The following SYBU variants were observed in gnomAD, a reference collection of about 807,000 sequenced individuals.
The protein encoded by SYBU is GOLSYN A protein.
Under a neutral mutation model 35.9 loss-of-function variants are expected in SYBU, and 21 were observed. The observed-to-expected ratio is 0.58, with a 90% CI of 0.41 to 0.84. The LOEUF is 0.84. Ranked by LOEUF, SYBU falls within the 40% of genes least tolerant of loss-of-function variation. SYBU has a pLI of 0.00. For synonymous variants in SYBU, 319 were observed against 324.3 expected, an observed-to-expected ratio of 0.98 and a Z score of 0.18; for missense variants, 768 against 848.2, an observed-to-expected ratio of 0.91 and a Z score of 1.17.
intron 1 of SYBU, chr8:109,680,702 C>G (rs1346893143): frequency 2.0e-5 from 3 of 152,140 alleles, no homozygotes. Flanking sequence ...CCACAGCAAG[C>G]AAACTTACCT....
Position 109,655,215 on chromosome 8 carries a change from G to A in SYBU, c.-129+25496C>T, listed in dbSNP as rs139658641. On this transcript the variant is annotated intron_variant, in intron 1 of 5. Coordinates refer to the SYBU transcript ENST00000408889. ...TCTTCAACCTCCATCTCCCAGCACC[G>A]TCCAGTTCCTTTTGCCTTTCGGGTA... Among the ~76,000 whole-genome samples the A allele has an allele frequency of 5.2e-4, 79 of 152,274 alleles. No individual in the cohort carries two copies. The East Asian group carries it at 0.014, about 26-fold the overall frequency.
At chr8:109,627,446 A>T (rs541235412) in intron 2 of SYBU, among the ~76,000 whole-genome samples, 1 of 152,310 alleles carries the variant, frequency 6.6e-6, no homozygotes, top group East Asian at 1.9e-4. Context: ...TGCATTTATA[A>T]GGCAAGAAAA....
intron 2 of SYBU, among the ~76,000 whole-genome samples, chr8:109,626,662 A>T (rs1813012878): frequency 6.6e-6 from 1 of 152,186 alleles, no homozygotes; most frequent in Non-Finnish European, 1.5e-5. Context: ...AGTCCCTACT[A>T]AAATCTTCTA....
At chr8:109,669,733 A>G (rs1816907856) in intron 1 of SYBU, among the ~76,000 whole-genome samples, 1 of 152,218 alleles carries the variant, frequency 6.6e-6, no homozygotes, top group African/African-American at 2.4e-5. Context: ...TGATTTTATA[A>G]TTCCCATACA....
chr8:109,590,003 T>TA (rs554749555), intron 3 of SYBU, among the ~76,000 whole-genome samples: 3,627 of 145,748 alleles, frequency 0.025, 141 homozygotes, highest in African/African-American at 0.079. Context: ...GGCAGTAAAT[T>TA]AAAAAAAAAA....
rs1345980137 is a variant in SYBU, at chr8:109,622,236, CTATCTATCTTTT to C, written c.230-3209_230-3198del. ...ATCTATCTATCTATCATCTATCTAT[CTATCTATCTTTT>C]TAAGACAGAGTCTCGCTCTGTCGCC... On this transcript the variant is annotated intron_variant, in intron 2 of 6. Coordinates refer to ENST00000276646, the MANE Select transcript of SYBU (RefSeq NM_001099754.2). 5.4e-5 allele frequency among the ~76,000 whole-genome samples: 8 copies of C among 147,374 alleles called. No individual in the cohort carries two copies. In the South Asian group the frequency reaches 1.7e-3, roughly 32 times the overall value.
chr8:109,576,121 G>C, intron 6 of SYBU, 108 bp from the exon 7 acceptor site: 1 of 1,292,188 alleles, frequency 7.7e-7, no homozygotes, highest in Non-Finnish European at 1.0e-6. Flanking sequence ...AGAGCCAAGA[G>C]CTCATACTCT....
At chr8:109,666,317 A>G (rs138904011) in intron 1 of SYBU, among the ~76,000 whole-genome samples, 42 of 151,898 alleles carry the variant, frequency 2.8e-4, no homozygotes, top group African/African-American at 1.0e-3. Flanking sequence ...TGTCCTTTGC[A>G]TTGTAGGATG....
chr8:109,598,273 T>C (rs1029889155), intron 3 of SYBU, among the ~76,000 whole-genome samples: 16 of 152,334 alleles, frequency 1.1e-4, no homozygotes, highest in African/African-American at 3.4e-4. Flanking sequence ...TTTTTACATA[T>C]TTCACATCCA....
At chr8:109,669,068 C>G (rs3108829) in intron 1 of SYBU, among the ~76,000 whole-genome samples, 4 of 151,916 alleles carry the variant, frequency 2.6e-5, no homozygotes, top group African/African-American at 9.7e-5. Context: ...ATCGGCTGGG[C>G]GTGGTGGCTC....
intron 1 of SYBU, among the ~76,000 whole-genome samples, chr8:109,663,959 T>C (rs1816666753): frequency 6.6e-6 from 1 of 152,204 alleles, no homozygotes; most frequent in Admixed American, 6.5e-5. Context: ...CTATTACTAT[T>C]AACAGGACTA....
chr8:109,609,929 A>C (rs771938704), intron 3 of SYBU, among the ~76,000 whole-genome samples: 15 of 152,100 alleles, frequency 9.9e-5, no homozygotes, highest in Non-Finnish European at 4.4e-5. Flanking sequence ...ATGATAATCC[A>C]AGCTCTACAG....
At chr8:109,614,753 G>A (rs914911287) in intron 3 of SYBU, among the ~76,000 whole-genome samples, 2 of 152,212 alleles carry the variant, frequency 1.3e-5, no homozygotes, top group African/African-American at 4.8e-5. Context: ...AAAACACAAA[G>A]CCACCATCCA....
chr8:109,671,209 G>A lies in SYBU; in HGVS notation c.-129+9502C>T, dbSNP rs60435931. Among the ~76,000 whole-genome samples the A allele has an allele frequency of 5.3e-3, 801 of 152,038 alleles. 6 individuals are homozygous for A. The highest frequency in any genetic ancestry group is 0.017 in the African/African-American group (719 of 41,516). ...TTTATGTCAAAATCATTAAATTCAA[G>A]ACAAATCTTATTTCAGCATTTCCAG... is the stretch of plus-strand genomic sequence containing the variant. On this transcript the variant is annotated intron_variant, in intron 1 of 5. Coordinates refer to the SYBU transcript ENST00000408889.
intron 3 of SYBU, among the ~76,000 whole-genome samples, chr8:109,610,765 T>C (rs1811082784): frequency 6.6e-6 from 1 of 152,210 alleles, no homozygotes; most frequent in Admixed American, 6.5e-5. Flanking sequence ...TTTATCCCTC[T>C]GGCCCCTTTT....
intron 3 of SYBU, among the ~76,000 whole-genome samples, chr8:109,589,185 AAAAC>A (rs1823948796): frequency 6.6e-6 from 1 of 152,112 alleles, no homozygotes; most frequent in Non-Finnish European, 1.5e-5. Context: ...AACAAAAAAC[AAAAC>A]AAACAAAAAG....
At chr8:109,675,506 A>T (rs977116479) in intron 1 of SYBU, among the ~76,000 whole-genome samples, 6 of 152,194 alleles carry the variant, frequency 3.9e-5, no homozygotes, top group African/African-American at 1.4e-4. Flanking sequence ...AATACTATAA[A>T]CACCTCTACA....
intron 3 of SYBU, among the ~76,000 whole-genome samples, chr8:109,591,274 T>C (rs1824214017): frequency 6.6e-6 from 1 of 152,184 alleles, no homozygotes; most frequent in Non-Finnish European, 1.5e-5. Flanking sequence ...TTAGATAATA[T>C]GTAACCTGCC....
intron 2 of SYBU, among the ~76,000 whole-genome samples, chr8:109,638,316 T>TA (rs1814457383): frequency 6.6e-6 from 1 of 152,200 alleles, no homozygotes; most frequent in African/African-American, 2.4e-5. Context: ...TCGGCTTTTC[T>TA]AACAGTGGCT....
Sources: gnomAD v4.1 joint callset for allele counts (sites outside exome capture counted in the v4.1 genomes callset) on GRCh38, gnomAD v4.1.1 for gene constraint, MANE v1.5 for transcripts, NCBI Gene and HGNC (gene_info 2026-07-23, HGNC 2026-07-21) for gene names.